The following DGKB variants were observed in gnomAD, a reference collection of about 807,000 sequenced individuals.
The protein encoded by DGKB is diacylglycerol kinase beta, also known as 90 kDa diacylglycerol kinase.
Under a neutral mutation model 114.3 loss-of-function variants are expected in DGKB, and 67 were observed. That is an observed-to-expected ratio of 0.59 (90% CI 0.48 to 0.72). DGKB has a LOEUF of 0.72. Ranked by LOEUF, DGKB falls within the 30% of genes least tolerant of loss-of-function variation. DGKB has a pLI of 0.00. For synonymous variants in DGKB, 398 were observed against 323.1 expected, an observed-to-expected ratio of 1.23 and a Z score of -2.49; for missense variants, 907 against 975.2, an observed-to-expected ratio of 0.93 and a Z score of 0.93.
At chr7:14,786,467 A>G in intron 2 of DGKB, among the ~76,000 whole-genome samples, 1 of 152,200 alleles carries the variant, frequency 6.6e-6, no homozygotes. Context: ...GCTGCAAAAG[A>G]GCTGGCTGCA....
At chr7:14,690,896 T>G (rs1309070524) in intron 9 of DGKB, among the ~76,000 whole-genome samples, 1 of 152,204 alleles carries the variant, frequency 6.6e-6, no homozygotes, top group Non-Finnish European at 1.5e-5. Context: ...GTAATCAGAA[T>G]CACAAAGCCA....
chr7:14,612,240 T>TCTTGG (rs1368975378), intron 16 of DGKB, among the ~76,000 whole-genome samples: 3 of 149,820 alleles, frequency 2.0e-5, no homozygotes, highest in Non-Finnish European at 4.5e-5. Context: ...AGTGGCACGA[T>TCTTGG]CTTGGCTTAC....
chr7:14,808,865 A>C (rs1319839935), intron 2 of DGKB, among the ~76,000 whole-genome samples: 1 of 152,116 alleles, frequency 6.6e-6, no homozygotes, highest in East Asian at 1.9e-4. Context: ...TCTATTCCTC[A>C]ACTGAAAATA....
At chr7:14,605,386 A>G (rs954784472) in intron 17 of DGKB, among the ~76,000 whole-genome samples, 2 of 148,492 alleles carry the variant, frequency 1.3e-5, no homozygotes, top group Non-Finnish European at 3.0e-5. Context: ...ATACACCTAT[A>G]TATGTGTGTG....
chr7:14,611,800 A>G (rs1471816347), intron 16 of DGKB, among the ~76,000 whole-genome samples: 2 of 151,870 alleles, frequency 1.3e-5, no homozygotes, highest in African/African-American at 2.4e-5. Flanking sequence ...TACATGATTC[A>G]TATTATCTTA....
chr7:14,838,495 T>C (rs1847458633), intron 2 of DGKB, among the ~76,000 whole-genome samples: 1 of 152,174 alleles, frequency 6.6e-6, no homozygotes, highest in African/African-American at 2.4e-5. Context: ...TAATCCCTTC[T>C]TTTAAAACTG....
chr7:14,967,414 G>C (rs978264572), intron 1 of DGKB, among the ~76,000 whole-genome samples: 1 of 151,868 alleles, frequency 6.6e-6, no homozygotes, highest in Non-Finnish European at 1.5e-5. Flanking sequence ...TCTGCCTCCT[G>C]AGTTCAAGCA....
At chr7:14,627,001 A>G (rs1470468117) in intron 14 of DGKB, among the ~76,000 whole-genome samples, 2 of 152,194 alleles carry the variant, frequency 1.3e-5, no homozygotes, top group African/African-American at 4.8e-5. Flanking sequence ...TAAATTGGAA[A>G]GCTTATGTTA....
At chr7:14,862,594 A>G (rs1278264691) in intron 1 of DGKB, among the ~76,000 whole-genome samples, 1 of 152,092 alleles carries the variant, frequency 6.6e-6, no homozygotes, top group Non-Finnish European at 1.5e-5. Flanking sequence ...GCCAGAATTC[A>G]AACTCTTGGA....
chr7:14,490,448 G>A (rs1390880402), intron 20 of DGKB, among the ~76,000 whole-genome samples: 6 of 152,078 alleles, frequency 3.9e-5, no homozygotes, highest in East Asian at 1.9e-4. Flanking sequence ...AGGCAGCCAC[G>A]TGCCCAGCTA....
chr7:14,151,220 C>T (rs1008551825), intron 25 of DGKB, among the ~76,000 whole-genome samples: 1 of 151,918 alleles, frequency 6.6e-6, no homozygotes, highest in East Asian at 1.9e-4. Context: ...GGACTAAATG[C>T]TTTACACGGT....
chr7:14,427,291 C>T (rs1289775870), intron 21 of DGKB, among the ~76,000 whole-genome samples: 2 of 152,112 alleles, frequency 1.3e-5, no homozygotes, highest in African/African-American at 2.4e-5. Flanking sequence ...TGCTTCACTT[C>T]CCAACAAGTT....
chr7:14,308,275 C>T (rs972315125), intron 23 of DGKB, among the ~76,000 whole-genome samples: 1 of 151,712 alleles, frequency 6.6e-6, no homozygotes, highest in Non-Finnish European at 1.5e-5. Flanking sequence ...TTAATAATAC[C>T]CCTAAATTTG....
chr7:14,424,725 T>C (rs890329660), intron 21 of DGKB, among the ~76,000 whole-genome samples: 1 of 152,080 alleles, frequency 6.6e-6, no homozygotes, highest in African/African-American at 2.4e-5. Flanking sequence ...CCATTTATGC[T>C]TCAAAACTCT....
intron 23 of DGKB, among the ~76,000 whole-genome samples, chr7:14,282,830 G>T (rs554642535): frequency 0.014 from 2,079 of 151,942 alleles, 18 homozygotes; most frequent in Non-Finnish European, 0.016. Flanking sequence ...TGCTAAAAAC[G>T]CTCAATAAAT....
chr7:14,420,732 C>A (rs1311310712), intron 21 of DGKB, among the ~76,000 whole-genome samples: 1 of 152,022 alleles, frequency 6.6e-6, no homozygotes, highest in East Asian at 1.9e-4. Flanking sequence ...CTATATGTGG[C>A]TGAGATGCTG....
intron 21 of DGKB, among the ~76,000 whole-genome samples, chr7:14,420,947 C>T (rs1156536783): frequency 1.3e-5 from 2 of 152,180 alleles, no homozygotes; most frequent in African/African-American, 4.8e-5. Context: ...CCTTCCACAA[C>T]CCCCACCCCC....
chr7:14,745,830 G>A (rs73682528), intron 4 of DGKB, among the ~76,000 whole-genome samples: 8,733 of 152,180 alleles, frequency 0.057, 371 homozygotes, highest in Admixed American at 0.11. Flanking sequence ...CTGGTCATGA[G>A]ACAAGAACCT....
At chr7:14,465,238 G>T (rs76582023) in intron 21 of DGKB, among the ~76,000 whole-genome samples, 2,493 of 149,436 alleles carry the variant, frequency 0.017, 36 homozygotes, top group Non-Finnish European at 0.022. Flanking sequence ...GAGCAGAGAG[G>T]ATATTTCATA....
Sources: gnomAD v4.1 joint callset for allele counts (sites outside exome capture counted in the v4.1 genomes callset) on GRCh38, gnomAD v4.1.1 for gene constraint, MANE v1.5 for transcripts, NCBI Gene and HGNC (gene_info 2026-07-23, HGNC 2026-07-21) for gene names.